PTPRT: variants seen among roughly 807,000 people sequenced by gnomAD.
The protein encoded by PTPRT is receptor-type tyrosine-protein phosphatase T.
A neutral mutation model predicts 176.8 loss-of-function variants in PTPRT; 56 were observed. The observed-to-expected ratio is 0.32, with a 90% CI of 0.26 to 0.40. PTPRT has a LOEUF of 0.40. Among genes scored for constraint, PTPRT ranks in the 10% least tolerant of loss-of-function variants. The pLI, the probability that PTPRT is intolerant of heterozygous loss-of-function variation, is 1.00. For missense variants in PTPRT, 1,540 were observed against 1,908.2 expected (o/e 0.81, Z 3.60); for synonymous variants, 783 against 739.0 (o/e 1.06, Z -0.96).
chr20:42,821,421 A>G (rs921751413), intron 2 of PTPRT, among the ~76,000 whole-genome samples: 3 of 152,226 alleles, frequency 2.0e-5, no homozygotes, highest in Admixed American at 1.3e-4. Context: ...TCAAAATGAT[A>G]AGAGCTATTT....
At position 42,076,617 on chromosome 20, in the gene PTPRT, G is replaced by T. The variant is rs1231729010; in HGVS notation, c.*4262C>A. The T allele has an allele frequency of 5.1e-6, 1 of 195,406 alleles. No homozygotes were observed. The highest frequency in any genetic ancestry group is 1.1e-5 in the Non-Finnish European group (1 of 94,028). 12.1% of individuals were successfully genotyped at this position (195,406 alleles called of 1,614,324 possible). ...TGATCTTGAGCCTATAACTGGCTCT[G>T]GGAGGCAGCAGGGTCACTGCTCCTA... On this transcript the variant is annotated 3_prime_UTR_variant, in exon 31 of 31. Transcript: ENST00000373187.
intron 5 of PTPRT, among the ~76,000 whole-genome samples, chr20:42,771,098 T>C (rs548722435): frequency 6.6e-6 from 1 of 152,312 alleles, no homozygotes. Context: ...CACACCATTT[T>C]GCAAATGCTG....
intron 7 of PTPRT, among the ~76,000 whole-genome samples, chr20:42,552,000 A>C (rs558092538): frequency 6.6e-6 from 1 of 152,204 alleles, no homozygotes; most frequent in South Asian, 2.1e-4. Flanking sequence ...ATCAGTCTAT[A>C]ACACCAACTT....
At chr20:42,215,742 A>G (rs540388749) in intron 15 of PTPRT, among the ~76,000 whole-genome samples, 2 of 152,296 alleles carry the variant, frequency 1.3e-5, no homozygotes, top group Admixed American at 6.5e-5. Flanking sequence ...AGGCCCTCCC[A>G]GTCATTTTCC....
intron 23 of PTPRT, among the ~76,000 whole-genome samples, chr20:42,109,370 G>T (rs1041972590): frequency 2.4e-4 from 36 of 152,164 alleles, no homozygotes; most frequent in African/African-American, 8.7e-4. Context: ...GGTCAGGAAG[G>T]CCATCCTCCT....
chr20:42,276,242 C>T (rs956023391), intron 13 of PTPRT, among the ~76,000 whole-genome samples: 4 of 151,716 alleles, frequency 2.6e-5, no homozygotes, highest in Admixed American at 6.6e-5. Flanking sequence ...CATCTAGAGA[C>T]AACAACCTAT....
At chr20:42,761,568 CAATGTCTGATA>C (rs2076916600) in intron 5 of PTPRT, among the ~76,000 whole-genome samples, 1 of 152,166 alleles carries the variant, frequency 6.6e-6, no homozygotes, top group South Asian at 2.1e-4. Flanking sequence ...CTGGGGATTC[CAATGTCTGATA>C]AAGTGTGAGA....
At chr20:43,071,340 G>C (rs375948876) in intron 1 of PTPRT, among the ~76,000 whole-genome samples, 2 of 152,210 alleles carry the variant, frequency 1.3e-5, no homozygotes, top group African/African-American at 4.8e-5. Flanking sequence ...CTCTGGGGAT[G>C]GGGCCCAGCC....
chr20:42,498,480 C>T (rs2071693097), intron 7 of PTPRT, among the ~76,000 whole-genome samples: 1 of 152,022 alleles, frequency 6.6e-6, no homozygotes, highest in African/African-American at 2.4e-5. Flanking sequence ...GATAGTGGGT[C>T]CTAAAGGAAA....
chr20:42,112,464 C>T (rs742292), intron 22 of PTPRT, among the ~76,000 whole-genome samples: 16 of 152,296 alleles, frequency 1.1e-4, no homozygotes, highest in African/African-American at 3.6e-4. Context: ...CCAGGACTGA[C>T]GGGTTGCCCG....
intron 9 of PTPRT, among the ~76,000 whole-genome samples, chr20:42,403,485 A>G (rs910707996): frequency 6.6e-6 from 1 of 152,192 alleles, no homozygotes; most frequent in Non-Finnish European, 1.5e-5. Context: ...TATGAAGACA[A>G]GGTGACAGGT....
chr20:42,034,676 C>G, the PTPRT span, among the ~76,000 whole-genome samples: 1 of 152,060 alleles, frequency 6.6e-6, no homozygotes, highest in African/African-American at 2.4e-5. Flanking sequence ...CTCTCACCCC[C>G]AGTTATGTGT....
At chr20:42,051,961 G>T in the PTPRT span, among the ~76,000 whole-genome samples, 2 of 152,174 alleles carry the variant, frequency 1.3e-5, no homozygotes, top group East Asian at 1.9e-4. Flanking sequence ...GAATTTCCTC[G>T]AGACCTGGCT....
In PTPRT at chr20:42,248,805, A is replaced by T; in HGVS notation, c.2194T>A (p.Ser732Thr). 1 of 1,614,008 alleles carries T rather than the reference A, an allele frequency of 6.2e-7. No individual in the cohort carries two copies. Among genetic ancestry groups the T allele is most frequent in the Non-Finnish European group, 8.5e-7 (1 of 1,179,902 alleles). The change falls in exon 14 of 31, where the codon TCT becomes ACT. Residue 732 changes from serine (S) to threonine (T), a missense_variant. Ser to Thr is a moderately conservative substitution (Grantham distance 58). This residue lies in a region of PTPRT where 255 missense variants were observed against 250.1 expected (regional missense o/e 1.02). Coordinates refer to ENST00000373187, the MANE Select transcript of PTPRT (RefSeq NM_007050.6). ...LATKGASTQN[S>T]NTVEPEKQVD... ...TGCTTCTCTGGCTCCACAGTGTTAGAATTCTGGGTGGAGGCACCTAGGAAG... is the reference window on the plus strand; with the variant it reads ...TGCTTCTCTGGCTCCACAGTGTTAGTATTCTGGGTGGAGGCACCTAGGAAG...
chr20:42,218,622 C>A (rs2055821378), intron 15 of PTPRT, among the ~76,000 whole-genome samples: 1 of 152,152 alleles, frequency 6.6e-6, no homozygotes, highest in South Asian at 2.1e-4. Flanking sequence ...TTCTCCCAAG[C>A]ACAGAAAGCT....
intron 7 of PTPRT, among the ~76,000 whole-genome samples, chr20:42,517,700 A>C (rs1601174947): frequency 6.6e-6 from 1 of 152,154 alleles, no homozygotes; most frequent in South Asian, 2.1e-4. Flanking sequence ...ATTATCATTA[A>C]GTTCTACATA....
chr20:42,646,090 C>G (rs898245012), intron 7 of PTPRT, among the ~76,000 whole-genome samples: 15 of 152,094 alleles, frequency 9.9e-5, no homozygotes, highest in Non-Finnish European at 2.1e-4. Flanking sequence ...ATACCCATCC[C>G]CATTGCTGTG....
At chr20:42,092,264 T>C (rs562047518) in intron 27 of PTPRT, among the ~76,000 whole-genome samples, 19 of 152,354 alleles carry the variant, frequency 1.2e-4, no homozygotes, top group South Asian at 2.1e-4. Flanking sequence ...ATGAAGCTCA[T>C]ATCTCTCCGA....
chr20:42,881,316 C>T (rs374565428), intron 2 of PTPRT, among the ~76,000 whole-genome samples: 6 of 152,040 alleles, frequency 3.9e-5, no homozygotes, highest in Non-Finnish European at 5.9e-5. Flanking sequence ...TCTATGATAA[C>T]GATTTTGAAA....
Sources: gnomAD v4.1 joint callset for allele counts (sites outside exome capture counted in the v4.1 genomes callset) on GRCh38, gnomAD v4.1.1 for gene constraint, gnomAD v4.1.1 regional missense constraint, MANE v1.5 for transcripts, NCBI Gene and HGNC (gene_info 2026-07-23, HGNC 2026-07-21) for gene names.